Variants in HMCN1 observed in about 807,000 individuals in gnomAD.
The protein encoded by HMCN1 is hemicentin 1.
HMCN1 carries 321 observed loss-of-function variants against 625.9 expected under a neutral mutation model. The ratio of observed to expected loss-of-function variants is 0.51; its 90% CI spans 0.47 to 0.56. The LOEUF (loss-of-function observed/expected upper bound fraction) is 0.56, where lower values mean the gene tolerates loss of function less well. Among genes scored for constraint, HMCN1 ranks in the 20% least tolerant of loss-of-function variants. The pLI is 0.00. For missense variants in HMCN1, 6,588 were observed against 6,887.3 expected (o/e 0.96, Z 1.54); for synonymous variants, 2,425 against 2,417.6 (o/e 1.00, Z -0.09).
intron 75 of HMCN1, 97 bp downstream of exon 75, chr1:186,115,511 A>G (rs372939487): frequency 3.6e-6 from 4 of 1,122,714 alleles, no homozygotes; most frequent in African/African-American, 3.1e-5. Flanking sequence ...TATATAGACT[A>G]TAACAAATTA....
chr1:185,977,828 G>A lies in HMCN1; in HGVS notation c.2413G>A (p.Glu805Lys). The change falls in exon 16 of 107, where the codon GAA (glutamate) becomes AAA (lysine). Residue 805 changes from glutamate to lysine, a missense_variant. Around this residue, in one of 3 missense-constraint regions of HMCN1, gnomAD observed 4,628 missense variants for 4,853.1 expected, o/e 0.95. Coordinates refer to ENST00000271588, the MANE Select transcript of HMCN1 (RefSeq NM_031935.3). ...FIQEPADVSM[E>K]IGSNVTLPCY... ...ACAAGAACCTGCTGATGTGTCTATGGAAATTGGCTCAAATGTGACATTACC... is the reference window on the plus strand; with the variant it reads ...ACAAGAACCTGCTGATGTGTCTATGAAAATTGGCTCAAATGTGACATTACC... The A allele has an allele frequency of 1.9e-6, 3 of 1,613,218 alleles. No homozygotes were observed. Among genetic ancestry groups the A allele is most frequent in the Middle Eastern group, 1.7e-4 (1 of 6,056 alleles).
chr1:185,995,413 T>G (rs1270093411), intron 24 of HMCN1, among the ~76,000 whole-genome samples: 1 of 152,138 alleles, frequency 6.6e-6, no homozygotes, highest in Non-Finnish European at 1.5e-5. Context: ...GGTTGTCACC[T>G]CACAGTGCTG....
At chr1:185,855,678 C>G (rs1430526374) in intron 2 of HMCN1, among the ~76,000 whole-genome samples, 1 of 152,188 alleles carries the variant, frequency 6.6e-6, no homozygotes, top group Non-Finnish European at 1.5e-5. Flanking sequence ...CTAAGCTCTA[C>G]TAGCTCCCTT....
chr1:186,093,435 T>C (rs1385938369), intron 65 of HMCN1, 51 bp from the exon 66 acceptor site: 3 of 1,591,506 alleles, frequency 1.9e-6, no homozygotes, highest in Non-Finnish European at 1.7e-6. Context: ...TTTGAACTAG[T>C]ATTACATAAT....
At chr1:186,137,706 T>C (rs910552577) in intron 88 of HMCN1, 38 bp downstream of exon 88, 10 of 1,613,876 alleles carry the variant, frequency 6.2e-6, no homozygotes, top group Non-Finnish European at 7.6e-6. Context: ...ATGTGTTTAA[T>C]AGACCTTCAT....
intron 95 of HMCN1, among the ~76,000 whole-genome samples, chr1:186,152,467 T>C (rs887972175): frequency 6.6e-6 from 1 of 152,220 alleles, no homozygotes; most frequent in African/African-American, 2.4e-5. Flanking sequence ...AGACAATTCA[T>C]TTTTATAAGA....
intron 20 of HMCN1, among the ~76,000 whole-genome samples, chr1:185,988,904 G>A (rs936283869): frequency 6.6e-6 from 1 of 151,996 alleles, no homozygotes; most frequent in African/African-American, 2.4e-5. Context: ...CATAGCATAA[G>A]CATTCACTGT....
In HMCN1 at chr1:186,086,243, T is replaced by C. The variant is rs1203676581; in HGVS notation, c.8885-3T>C. The C allele has an allele frequency of 2.5e-6, 4 of 1,607,754 alleles. No individual in the cohort carries two copies. The highest frequency in any genetic ancestry group is 3.4e-6 in the Non-Finnish European group (4 of 1,174,772). ...TTCACTTTTAATATATTTACTATTA[T>C]AGTTCCTCCAAGTGTCATTGGTCCT... On this transcript the variant is annotated splice_polypyrimidine_tract_variant and splice_region_variant and intron_variant, in intron 57 of 106. Coordinates refer to ENST00000271588, the MANE Select transcript of HMCN1 (RefSeq NM_031935.3).
At position 186,182,306 on chromosome 1, in the gene HMCN1, G is replaced by T; in HGVS notation, c.16414+19G>T. On this transcript the variant is annotated intron_variant, in intron 105 of 106. Transcript: ENST00000271588. ...TGCCAAGGTGAGAAAACATTGGGATGTTTATTGTTGCAAACTTGACTAAAA... is the reference window on the plus strand; with the variant it reads ...TGCCAAGGTGAGAAAACATTGGGATTTTTATTGTTGCAAACTTGACTAAAA... 1 of 1,612,780 alleles carries T rather than the reference G, an allele frequency of 6.2e-7. No homozygotes were observed. The highest frequency in any genetic ancestry group is 8.5e-7 in the Non-Finnish European group (1 of 1,179,030).
intron 35 of HMCN1, among the ~76,000 whole-genome samples, chr1:186,021,438 C>G (rs952387195): frequency 3.3e-5 from 5 of 151,934 alleles, no homozygotes; most frequent in African/African-American, 1.2e-4. Flanking sequence ...TCTGGCTGGA[C>G]ATATTGGCAC....
At chr1:186,059,850 T>G (rs1393956329) in intron 46 of HMCN1, among the ~76,000 whole-genome samples, 1 of 152,000 alleles carries the variant, frequency 6.6e-6, no homozygotes, top group Non-Finnish European at 1.5e-5. Context: ...TTCACTGGAT[T>G]AAGCGAGAAG....
At chr1:186,045,326 A>G (rs1455230533) in intron 40 of HMCN1, among the ~76,000 whole-genome samples, 1 of 152,178 alleles carries the variant, frequency 6.6e-6, no homozygotes, top group Non-Finnish European at 1.5e-5. Flanking sequence ...ATAAATATTG[A>G]ATGCGTATTC....
intron 60 of HMCN1, 60 bp downstream of exon 60, chr1:186,087,705 C>G: frequency 6.0e-6 from 9 of 1,497,600 alleles, no homozygotes; most frequent in Non-Finnish European, 7.4e-6. Flanking sequence ...GGAAAAGATG[C>G]TTGGAAGTTG....
intron 14 of HMCN1, among the ~76,000 whole-genome samples, chr1:185,969,363 C>T (rs1321211471): frequency 6.6e-6 from 1 of 152,044 alleles, no homozygotes. Context: ...TAATTTTTTT[C>T]TCAAATTTAG....
rs1430440631 is a variant in HMCN1 at position 186,112,965 on chromosome 1, T to C, written c.11131+12T>C. On this transcript the variant is annotated intron_variant, in intron 72 of 106. Transcript: ENST00000271588. The stretch of plus-strand genomic sequence containing the variant: ...TCTCACTGTAAATGGTAAGAAAAGG[T>C]ATTCATTGTTCCACAATTTAAAAAT... 1 of 1,613,424 alleles carries C rather than the reference T, an allele frequency of 6.2e-7. No individual in the cohort carries two copies. Among genetic ancestry groups the C allele is most frequent in the African/African-American group, 1.3e-5 (1 of 74,904 alleles).
rs367968269 is a variant in HMCN1, at chr1:186,172,125, T to C, written c.15808T>C (p.Cys5270Arg). The C allele has an allele frequency of 1.5e-4, 240 of 1,613,628 alleles. 1 individual carries two copies. Among genetic ancestry groups the C allele is most frequent in the Non-Finnish European group, 1.9e-4 (225 of 1,179,666 alleles). The change falls in exon 102 of 107, where the codon TGT becomes CGT. Residue 5270 changes from cysteine (C) to arginine (R), a missense_variant. Around this residue, in one of 3 missense-constraint regions of HMCN1, gnomAD observed 1,954 missense variants for 2,013.1 expected, o/e 0.97. Transcript: ENST00000271588. ...NGMTKAENGTCIDIDECKDGT... is the reference protein window; with the variant it reads ...NGMTKAENGTRIDIDECKDGT... The stretch of plus-strand genomic sequence containing the variant: ...AATGACCAAGGCAGAAAATGGAACC[T>C]GTATTGGTGAGTGTCTGGCTGTTTC...
chr1:185,896,120 T>A (rs935470428), intron 4 of HMCN1, among the ~76,000 whole-genome samples: 1 of 151,976 alleles, frequency 6.6e-6, no homozygotes, highest in African/African-American at 2.4e-5. Flanking sequence ...ATATTTTTAG[T>A]AGAGACAGGG....
intron 36 of HMCN1, among the ~76,000 whole-genome samples, chr1:186,034,367 A>G: frequency 6.6e-6 from 1 of 152,194 alleles, no homozygotes; most frequent in Non-Finnish European, 1.5e-5. Context: ...TTAAGCTACC[A>G]AGTTTGAGGT....
At chr1:185,741,789 C>A (rs760729993) in intron 1 of HMCN1, among the ~76,000 whole-genome samples, 1 of 152,036 alleles carries the variant, frequency 6.6e-6, no homozygotes, top group Non-Finnish European at 1.5e-5. Context: ...AATAGTTTCA[C>A]GGAGGAGATG....
Sources: allele counts gnomAD v4.1 joint callset (sites outside exome capture counted in the v4.1 genomes callset), GRCh38; gene constraint gnomAD v4.1.1; regional missense constraint gnomAD v4.1.1; transcripts MANE v1.5; gene names NCBI Gene and HGNC (gene_info 2026-07-23, HGNC 2026-07-21).